DVL1: variants seen among roughly 807,000 people sequenced by gnomAD.
DVL1 encodes the protein segment polarity protein dishevelled homolog DVL-1.
A neutral mutation model predicts 65.0 loss-of-function variants in DVL1; 49 were observed. That is an observed-to-expected ratio of 0.75 (90% CI 0.60 to 0.96). The LOEUF is 0.96. DVL1 is among the 40% of genes least tolerant of loss of function. DVL1 has a pLI of 0.00. For synonymous variants in DVL1, 608 were observed against 433.9 expected (o/e 1.40, Z -4.99); for missense variants, 1,197 against 1,045.4 (o/e 1.15, Z -2.00).
chr1:1,341,802 G>A lies in DVL1; in HGVS notation c.470C>T (p.Ala157Val), dbSNP rs1211462446. The A allele has an allele frequency of 1.9e-6, 3 of 1,580,158 alleles. No homozygotes were observed. The highest frequency in any genetic ancestry group is 2.7e-5 in the African/African-American group (2 of 74,456). ...TCCCCTTGGGTGCCCATTGGTCCGG[G>A]CGGCTGTGGGGGCAGCAGGTTGGGA... Reference protein sequence around the residue: ...RARRRNREEAARTNGHPRGDR... With the variant: ...RARRRNREEAVRTNGHPRGDR... The change falls in exon 5 of 15, where the codon GCC becomes GTC. Residue 157 changes from alanine (A) to valine (V), a missense_variant. Physicochemically the swap from Ala to Val is moderately conservative, Grantham distance 64. Transcript: ENST00000378888.
chr1:1,336,016 G>C lies in DVL1; in HGVS notation c.*126C>G. ...AGCCAGGCTGCCAGGGCAGATGGTG[G>C]TGGTCCAGCCTGCCCCCCACCCTGC... On this transcript the variant is annotated 3_prime_UTR_variant, in exon 15 of 15. Transcript: ENST00000378888. 2 of 1,294,242 alleles carry C rather than the reference G, an allele frequency of 1.5e-6. No individual in the cohort carries two copies. The highest frequency in any genetic ancestry group is 2.1e-6 in the Non-Finnish European group (2 of 954,042). The allele number at this position is 1,294,242 out of a possible 1,614,324, so 80.2% of individuals were successfully genotyped here. A position where few individuals can be genotyped will look rare whatever the true frequency, so the allele number is the denominator to read the frequency against.
At position 1,336,161 on chromosome 1, in the gene DVL1, A is replaced by T. The variant is rs1214043230; in HGVS notation, c.2069T>A (p.Phe690Tyr). 6.3e-7 allele frequency: 1 copy of T among 1,576,186 alleles called. No homozygotes were observed. The highest frequency in any genetic ancestry group is 1.8e-5 in the Admixed American group (1 of 57,108). The change falls in exon 15 of 15, where the codon TTC becomes TAC. Residue 690 changes from phenylalanine to tyrosine, a missense_variant. Physicochemically the swap from Phe to Tyr is conservative, Grantham distance 22. Coordinates refer to ENST00000378888, the MANE Select transcript of DVL1 (RefSeq NM_001330311.2). ...CACGAGTCACATGATGTCCACGAAG[A>T]ACTCGCAGGGGTTCCCCATAGCCTT... Reference protein sequence around the residue: ...FQKAMGNPCEFFVDIM With the variant: ...FQKAMGNPCEYFVDIM
intron 14 of DVL1, 97 bp from the exon 15 acceptor site, chr1:1,336,612 G>T: frequency 7.0e-7 from 1 of 1,425,812 alleles, no homozygotes; most frequent in Non-Finnish European, 9.2e-7. Context: ...CAGGAACGGT[G>T]GCCCGTGCAG....
rs907783331 is a variant in DVL1 at position 1,336,090 on chromosome 1, G to A, written c.*52C>T. The stretch of plus-strand genomic sequence containing the variant: ...GCAAGCCCACGCGAGCTCTGCATGC[G>A]GCAGGACCGCCAGCTCCCCACCTCA... On this transcript the variant is annotated 3_prime_UTR_variant, in exon 15 of 15. Coordinates refer to ENST00000378888, the MANE Select transcript of DVL1 (RefSeq NM_001330311.2). The A allele has an allele frequency of 2.2e-4, 339 of 1,547,006 alleles. 1 individual carries two copies. The South Asian group carries it at 3.4e-3, about 16-fold the overall frequency.
rs563490427 is a variant in DVL1, at chr1:1,342,884, G to A, written c.171-126C>T. The A allele has an allele frequency of 6.1e-4, 529 of 871,594 alleles. 4 individuals carry two copies. Among genetic ancestry groups the A allele is most frequent in the South Asian group, 2.7e-3 (158 of 59,396 alleles). The allele number at this position is 871,594 out of a possible 1,614,324, so 54.0% of individuals were successfully genotyped here. ...TCACTCTGTGGACACCCCTGCTAGC[G>A]CATTCTCCTCTTGGGAACCGTCCTT... On this transcript the variant is annotated intron_variant, in intron 1 of 14. Transcript: ENST00000378888.
intron 13 of DVL1, 40 bp downstream of exon 13, chr1:1,338,229 T>TAG: frequency 4.6e-6 from 7 of 1,522,352 alleles, no homozygotes; most frequent in Non-Finnish European, 6.3e-6. Flanking sequence ...CCTCCGGCGT[T>TAG]CCCCTCCCCC....
Position 1,336,431 on chromosome 1 carries a change from C to A in DVL1, c.1799G>T (p.Ser600Ile). 1.3e-6 allele frequency: 2 copies of A among 1,590,760 alleles called. No homozygotes were observed. Among genetic ancestry groups the A allele is most frequent in the South Asian group, 1.1e-5 (1 of 90,052 alleles). The part of the protein sequence containing the change: ...KERRAAGAGG[S>I]GSESDHTAPS... The stretch of plus-strand genomic sequence containing the variant: ...TGCCGTGTGATCCGATTCACTGCCA[C>A]TGCCCCCAGCTCCCGCCGCCCGACG... Residue 600 changes from serine to isoleucine, a missense_variant, in exon 15 of 15, where the codon AGT (serine) becomes ATT (isoleucine). Physicochemically the swap from Ser to Ile is moderately radical, Grantham distance 142. Transcript: ENST00000378888.
chr1:1,341,614 G>A (rs1369032791), intron 5 of DVL1, 53 bp downstream of exon 5: 2 of 1,557,214 alleles, frequency 1.3e-6, no homozygotes, highest in Non-Finnish European at 1.7e-6. Context: ...ATCATGTACA[G>A]ACATTTGCAA....
In DVL1 at chr1:1,342,147, C is replaced by T; in HGVS notation, c.372G>A (p.Val124=). Residue 124 remains valine, a synonymous_variant, in exon 4 of 15, where the codon GTG becomes GTA. Transcript: ENST00000378888. ...TGTCCATCCCGTCACGGCTGCTGGCCACATTTGGGCTGTGCAACAAGAGCA... is the reference window on the plus strand; with the variant it reads ...TGTCCATCCCGTCACGGCTGCTGGCTACATTTGGGCTGTGCAACAAGAGCA... ...DSRPPSFHPN[V]ASSRDGMDNE... The T allele has an allele frequency of 6.4e-7, 1 of 1,570,520 alleles. No individual in the cohort carries two copies. The highest frequency in any genetic ancestry group is 8.6e-7 in the Non-Finnish European group (1 of 1,158,486).
chr1:1,340,836 C>T (rs2100739574), intron 5 of DVL1, among the ~76,000 whole-genome samples: 1 of 141,444 alleles, frequency 7.1e-6, no homozygotes, highest in Middle Eastern at 3.9e-3. Context: ...CACACCTGCA[C>T]ACACGCAACC....
chr1:1,337,150 G>A (rs975718408), intron 14 of DVL1: 23 of 957,988 alleles, frequency 2.4e-5, no homozygotes, highest in East Asian at 1.2e-4. Context: ...GACTGACCGC[G>A]GGCTGGGCGG....
At position 1,342,464 on chromosome 1, in the gene DVL1, A is replaced by G. The variant is rs1421457815; in HGVS notation, c.261T>C (p.Ala87=). ...VVSWLVLAEG[A]HSDAGSQGTD... is the part of the protein sequence containing the mutation. The stretch of plus-strand genomic sequence containing the variant: ...TGCCCTGGGACCCCGCATCCGAGTG[A>G]GCACCCTCAGCCAGGACCAGCTGTG... The change falls in exon 3 of 15, where the codon GCT becomes GCC. Residue 87 remains alanine, a synonymous_variant. Coordinates refer to ENST00000378888, the MANE Select transcript of DVL1 (RefSeq NM_001330311.2). 2 of 1,609,982 alleles carry G rather than the reference A, an allele frequency of 1.2e-6. No homozygotes were observed. Among genetic ancestry groups the G allele is most frequent in the Admixed American group, 1.7e-5 (1 of 59,856 alleles).
Position 1,340,414 on chromosome 1 carries a change from T to G in DVL1, c.695A>C (p.Asp232Ala). The change falls in exon 6 of 15, where the codon GAC becomes GCC. Residue 232 changes from aspartate to alanine, a missense_variant. By Grantham distance (126) the Asp-to-Ala change is moderately radical. Coordinates refer to ENST00000378888, the MANE Select transcript of DVL1 (RefSeq NM_001330311.2). ...RRRKQRLRQADRASSFSSITD... is the reference protein window; with the variant it reads ...RRRKQRLRQAARASSFSSITD... ...CTGCTCCACCCGGCTGCCTACCCGG[T>G]CCGCCTGCCGAAGGCGCTGCTTCCT... The G allele has an allele frequency of 6.2e-7, 1 of 1,608,764 alleles. No individual in the cohort carries two copies. Among genetic ancestry groups the G allele is most frequent in the Non-Finnish European group, 8.5e-7 (1 of 1,178,310 alleles).
intron 11 of DVL1, 71 bp from the exon 12 acceptor site, chr1:1,338,724 A>G: frequency 6.4e-7 from 1 of 1,551,180 alleles, no homozygotes. Context: ...CTGCACCCCC[A>G]GGGGAGCCTC....
chr1:1,343,502 G>A (rs1242914287), intron 1 of DVL1, among the ~76,000 whole-genome samples: 2 of 152,050 alleles, frequency 1.3e-5, no homozygotes, highest in East Asian at 3.9e-4. Context: ...TTCCCAACCA[G>A]GAGCCCAAAT....
In DVL1 at chr1:1,337,736, A is replaced by G. The variant is rs307371; in HGVS notation, c.1714+241T>C. 0.88 allele frequency: 607,031 copies of G among 693,062 alleles called. 269,481 individuals carry two copies. Among genetic ancestry groups the G allele is most frequent in the Non-Finnish European group, 0.93 (354,408 of 379,386 alleles). The allele number at this position is 693,062 out of a possible 1,614,324, so 42.9% of individuals were successfully genotyped here. On this transcript the variant is annotated intron_variant, in intron 14 of 14. Coordinates refer to ENST00000378888, the MANE Select transcript of DVL1 (RefSeq NM_001330311.2). ...ACGCTTCCCTGTCCTCCCCATTCAC[A>G]CTGGCTCCTGGATCCCCCTGGCACT...
chr1:1,346,395 G>A (rs747013598), intron 1 of DVL1, among the ~76,000 whole-genome samples: 5 of 152,148 alleles, frequency 3.3e-5, no homozygotes, highest in Admixed American at 6.5e-5. Flanking sequence ...CATCCGCCAC[G>A]CACCCAGCAG....
intron 14 of DVL1, among the ~76,000 whole-genome samples, chr1:1,336,791 G>T (rs1175025620): frequency 6.6e-6 from 1 of 152,186 alleles, no homozygotes; most frequent in Non-Finnish European, 1.5e-5. Context: ...CTGAGGGCCT[G>T]GTCTTGCGGC....
intron 1 of DVL1, 61 bp from the exon 2 acceptor site, chr1:1,342,819 T>C (rs895863273): frequency 2.2e-5 from 34 of 1,558,608 alleles, no homozygotes; most frequent in Non-Finnish European, 3.0e-5. Flanking sequence ...GTTCTAGAGG[T>C]GAGGCCTGGA....
Sources: allele counts gnomAD v4.1 joint callset (sites outside exome capture counted in the v4.1 genomes callset), GRCh38; gene constraint gnomAD v4.1.1; transcripts MANE v1.5; gene names NCBI Gene and HGNC (gene_info 2026-07-23, HGNC 2026-07-21).